OPCML: variants seen among roughly 807,000 people sequenced by gnomAD.
The protein encoded by OPCML is opioid-binding protein/cell adhesion molecule.
In OPCML, 13 loss-of-function variants were observed where a neutral mutation model predicts 37.8. That is an observed-to-expected ratio of 0.34 (90% CI 0.22 to 0.55). The LOEUF (loss-of-function observed/expected upper bound fraction) is 0.55, where lower values mean the gene tolerates loss of function less well. Ranked by LOEUF, OPCML falls within the 20% of genes least tolerant of loss-of-function variation. The pLI is 0.91. For synonymous variants in OPCML, 176 were observed against 168.8 expected (o/e 1.04, Z -0.33); for missense variants, 341 against 435.6 (o/e 0.78, Z 1.93).
chr11:133,233,889 A>G (rs1180004288), intron 1 of OPCML, among the ~76,000 whole-genome samples: 1 of 152,170 alleles, frequency 6.6e-6, no homozygotes, highest in Non-Finnish European at 1.5e-5. Context: ...AGGTCCATGG[A>G]GCATCCCCCA....
rs560936347 is a variant in OPCML, at chr11:133,465,412, A to T, written c.61+66852T>A. On this transcript the variant is annotated intron_variant, in intron 1 of 7. Transcript: ENST00000524381. ...GTTCACAGGTCCCAGGGATTAGGAC[A>T]TTTTGGGGTGGTGGAATGGGCATTA... is the stretch of plus-strand genomic sequence containing the variant. Among the ~76,000 whole-genome samples, 4 of 152,142 alleles carry T rather than the reference A, an allele frequency of 2.6e-5. No homozygotes were observed. In the East Asian group the frequency reaches 5.8e-4, roughly 22 times the overall value.
At position 132,639,646 on chromosome 11, in the gene OPCML, C is replaced by A. The variant is rs529022275; in HGVS notation, c.379+17441G>T. On this transcript the variant is annotated intron_variant, in intron 3 of 7. Transcript: ENST00000524381. ...CTAAATGTAAATATATGCAAATATA[C>A]TGGCAAGTTGGTCTGGCCCTCAGGC... 5.1e-4 allele frequency among the ~76,000 whole-genome samples: 78 copies of A among 152,322 alleles called. No individual in the cohort carries two copies. In the South Asian group the frequency reaches 0.016, roughly 32 times the overall value.
At chr11:132,739,834 T>C (rs2136034974) in intron 2 of OPCML, among the ~76,000 whole-genome samples, 1 of 152,176 alleles carries the variant, frequency 6.6e-6, no homozygotes, top group East Asian at 1.9e-4. Flanking sequence ...TAAAGTACAG[T>C]CAAAATCAAT....
chr11:132,779,682 G>A (rs1946931795), intron 2 of OPCML, among the ~76,000 whole-genome samples: 1 of 152,128 alleles, frequency 6.6e-6, no homozygotes, highest in South Asian at 2.1e-4. Context: ...GCCTGAATGT[G>A]TGGCCCTCCC....
intron 1 of OPCML, among the ~76,000 whole-genome samples, chr11:133,454,451 G>C (rs1022422984): frequency 1.3e-5 from 2 of 152,280 alleles, no homozygotes; most frequent in East Asian, 1.9e-4. Context: ...CCCGTCCGAA[G>C]TGCTTAGAAT....
At chr11:133,492,147 C>T (rs1176755449) in intron 1 of OPCML, among the ~76,000 whole-genome samples, 8 of 152,116 alleles carry the variant, frequency 5.3e-5, no homozygotes, top group Admixed American at 4.6e-4. Context: ...TAAGGAAAAA[C>T]GTAGCCTGGC....
chr11:132,939,055 C>T (rs1237352622), intron 2 of OPCML, among the ~76,000 whole-genome samples: 1 of 152,126 alleles, frequency 6.6e-6, no homozygotes, highest in Non-Finnish European at 1.5e-5. Flanking sequence ...CTTTTAATGT[C>T]TTTGTCTTCC....
At chr11:133,140,636 AGAG>A (rs879363109) in intron 1 of OPCML, among the ~76,000 whole-genome samples, 67 of 147,770 alleles carry the variant, frequency 4.5e-4, no homozygotes, top group Middle Eastern at 3.4e-3. Context: ...AAGAGGAGGA[AGAG>A]GAGGAAGAGG....
intron 1 of OPCML, among the ~76,000 whole-genome samples, chr11:133,333,769 A>G (rs1943678301): frequency 1.3e-5 from 2 of 152,228 alleles, no homozygotes; most frequent in South Asian, 2.1e-4. Flanking sequence ...TCCAGCATCT[A>G]TAAGGAACTT....
chr11:132,675,155 A>ATT (rs1942643099), intron 2 of OPCML, among the ~76,000 whole-genome samples: 1 of 144,038 alleles, frequency 6.9e-6, no homozygotes, highest in Non-Finnish European at 1.5e-5. Context: ...ATATATATGT[A>ATT]TGTGTGTGTG....
chr11:133,145,679 A>C (rs77770903), intron 1 of OPCML, among the ~76,000 whole-genome samples: 1,888 of 152,328 alleles, frequency 0.012, 39 homozygotes, highest in African/African-American at 0.043. Context: ...TTGGATAAGA[A>C]AGAGCGTGGA....
intron 3 of OPCML, among the ~76,000 whole-genome samples, chr11:132,604,989 G>GAAA (rs1565703714): frequency 1.3e-5 from 2 of 152,112 alleles, no homozygotes; most frequent in East Asian, 3.9e-4. Context: ...ATAAATTTTA[G>GAAA]TAAAAATTAA....
chr11:133,105,260 C>T (rs956851732), intron 1 of OPCML, among the ~76,000 whole-genome samples: 1 of 152,118 alleles, frequency 6.6e-6, no homozygotes, highest in East Asian at 1.9e-4. Context: ...GCCGATAAAG[C>T]TCAAAGTTCA....
intron 4 of OPCML, among the ~76,000 whole-genome samples, chr11:132,515,768 A>G (rs188192459): frequency 6.6e-6 from 1 of 152,312 alleles, no homozygotes; most frequent in East Asian, 1.9e-4. Flanking sequence ...TCTTCTTCAC[A>G]CTACCATCAT....
Position 133,163,811 on chromosome 11 carries a change from A to G in OPCML, c.62-220801T>C, listed in dbSNP as rs537177252. 5.3e-5 allele frequency among the ~76,000 whole-genome samples: 8 copies of G among 152,314 alleles called. No homozygotes were observed. The South Asian group carries it at 1.5e-3, about 28-fold the overall frequency. On this transcript the variant is annotated intron_variant, in intron 1 of 7. Coordinates refer to ENST00000524381, the MANE Select transcript of OPCML (RefSeq NM_001012393.5). ...ACAGAGAAATAGCAGCTGCGGTTCAAATGAGTAGGCGCCATTACTCCCTCC... is the reference window on the plus strand; with the variant it reads ...ACAGAGAAATAGCAGCTGCGGTTCAGATGAGTAGGCGCCATTACTCCCTCC...
At chr11:132,617,278 G>A (rs1032304311) in intron 3 of OPCML, among the ~76,000 whole-genome samples, 4 of 152,198 alleles carry the variant, frequency 2.6e-5, no homozygotes, top group African/African-American at 9.6e-5. Flanking sequence ...TTGGAGGAGA[G>A]ACAGAACATA....
rs1487105469 is a variant in OPCML, at chr11:133,298,419, G to T, written c.61+233845C>A. 3.9e-5 allele frequency: 6 copies of T among 152,128 alleles called. No homozygotes were observed. The East Asian group carries it at 9.6e-4, about 24-fold the overall frequency. 9.4% of individuals were successfully genotyped at this position (152,128 alleles called of 1,614,324 possible). A position where few individuals can be genotyped will look rare whatever the true frequency, so the allele number is the denominator to read the frequency against. ...CATTAAATAAATATGTTCAAGTAAA[G>T]AGCATAGAAAAGTACCTGGCATGTA... On this transcript the variant is annotated intron_variant, in intron 1 of 7. Transcript: ENST00000524381.
intron 1 of OPCML, among the ~76,000 whole-genome samples, chr11:133,264,287 T>C (rs1049749467): frequency 1.3e-5 from 2 of 152,312 alleles, no homozygotes; most frequent in East Asian, 1.9e-4. Flanking sequence ...AGACAACATA[T>C]TGCAAATTAT....
intron 1 of OPCML, among the ~76,000 whole-genome samples, chr11:133,158,253 A>G (rs190870983): frequency 6.6e-6 from 1 of 152,332 alleles, no homozygotes; most frequent in East Asian, 1.9e-4. Context: ...CCTCTTCCCC[A>G]TACCCAAAGA....
Sources: gnomAD v4.1 joint callset for allele counts (sites outside exome capture counted in the v4.1 genomes callset) on GRCh38, gnomAD v4.1.1 for gene constraint, MANE v1.5 for transcripts, NCBI Gene and HGNC (gene_info 2026-07-23, HGNC 2026-07-21) for gene names.